The following ELAPOR1 variants were observed in gnomAD, a reference collection of about 807,000 sequenced individuals.
The protein encoded by ELAPOR1 is endosome/lysosome-associated apoptosis and autophagy regulator 1.
ELAPOR1 carries 77 observed loss-of-function variants against 119.7 expected under a neutral mutation model. The ratio of observed to expected loss-of-function variants is 0.64; its 90% CI spans 0.54 to 0.78. ELAPOR1 has a LOEUF of 0.78. Among genes scored for constraint, ELAPOR1 ranks in the 30% least tolerant of loss-of-function variants. The pLI, the probability that ELAPOR1 is intolerant of heterozygous loss-of-function variation, is 0.00. For missense variants in ELAPOR1, 1,115 were observed against 1,270.4 expected (o/e 0.88, Z 1.86); for synonymous variants, 481 against 487.2 (o/e 0.99, Z 0.17).
At chr1:109,193,408 T>G (rs977609635) in intron 14 of ELAPOR1, among the ~76,000 whole-genome samples, 5 of 152,046 alleles carry the variant, frequency 3.3e-5, no homozygotes, top group African/African-American at 1.2e-4. Context: ...TCCCAACACT[T>G]TAGGGGGCTG....
chr1:109,173,478 A>T lies in ELAPOR1; in HGVS notation c.701A>T (p.Glu234Val), dbSNP rs746095579. ...TEKGWEFHSV[E>V]LNRGNNVLYW... ...GCTCCTGTTTGTGGTTTTTAGGTGG[A>T]GCTAAATCGAGGCAATAATGTCCTC... Residue 234 changes from glutamate (E) to valine (V), a missense_variant, in exon 6 of 22, where the codon GAG becomes GTG. Glu to Val is a moderately radical substitution (Grantham distance 121). Coordinates refer to ENST00000369939, the MANE Select transcript of ELAPOR1 (RefSeq NM_020775.5). 4 of 1,613,660 alleles carry T rather than the reference A, an allele frequency of 2.5e-6. No homozygotes were observed. The Admixed American group carries it at 6.7e-5, about 27-fold the overall frequency.
chr1:109,186,420 C>A (rs1186936754), intron 8 of ELAPOR1: 2 of 824,246 alleles, frequency 2.4e-6, no homozygotes, highest in Non-Finnish European at 2.9e-6. Flanking sequence ...TCTTAGGGAG[C>A]ATAAACATTT....
At chr1:109,185,869 C>G (rs564146946) in intron 8 of ELAPOR1, among the ~76,000 whole-genome samples, 32 of 152,258 alleles carry the variant, frequency 2.1e-4, no homozygotes, top group Non-Finnish European at 3.8e-4. Flanking sequence ...TCAGAGGAGG[C>G]CATTTGTTCA....
chr1:109,156,212 T>C (rs1650862542), intron 1 of ELAPOR1, among the ~76,000 whole-genome samples: 1 of 152,134 alleles, frequency 6.6e-6, no homozygotes, highest in South Asian at 2.1e-4. Flanking sequence ...AAATTTAGAC[T>C]ATCAGATCAT....
chr1:109,144,061 A>ATATATATATATATATATATTTTT, intron 1 of ELAPOR1, among the ~76,000 whole-genome samples: 1 of 89,016 alleles, frequency 1.1e-5, no homozygotes, highest in African/African-American at 4.8e-5. Flanking sequence ...ATATTTATAT[A>ATATATATATATATATATATTTTT]TTTTTTTTTT....
At chr1:109,166,601 G>A (rs921599336) in intron 3 of ELAPOR1, among the ~76,000 whole-genome samples, 1 of 152,166 alleles carries the variant, frequency 6.6e-6, no homozygotes, top group Non-Finnish European at 1.5e-5. Context: ...CAGAGACGAG[G>A]AACTGGAAGC....
intron 1 of ELAPOR1, among the ~76,000 whole-genome samples, chr1:109,122,899 G>T (rs1648536391): frequency 6.6e-6 from 1 of 152,242 alleles, no homozygotes; most frequent in African/African-American, 2.4e-5. Context: ...TGAGGTTGCA[G>T]TGAGCCATGA....
chr1:109,173,387 G>A lies in ELAPOR1; in HGVS notation c.697-87G>A. The stretch of plus-strand genomic sequence containing the variant: ...AGAAGCATTACCATGCAGTTAGTAA[G>A]AGAAGTCATCCCAACAAGAGGCTAT... On this transcript the variant is annotated intron_variant, in intron 5 of 21. Transcript: ENST00000369939. The A allele has an allele frequency of 3.7e-6, 4 of 1,072,384 alleles. No homozygotes were observed. The South Asian group carries it at 5.5e-5, about 15-fold the overall frequency. The allele number at this position is 1,072,384 out of a possible 1,614,324, so 66.4% of individuals were successfully genotyped here. A position where few individuals can be genotyped will look rare whatever the true frequency, so the allele number is the denominator to read the frequency against.
chr1:109,168,738 C>G (rs538951851), intron 3 of ELAPOR1, among the ~76,000 whole-genome samples: 1 of 152,238 alleles, frequency 6.6e-6, no homozygotes, highest in African/African-American at 2.4e-5. Context: ...AACTGGATGA[C>G]CTAGGGTAAG....
rs1654320899 is a variant in ELAPOR1 at position 109,203,730 on chromosome 1, G to T, written c.*718G>T. On this transcript the variant is annotated 3_prime_UTR_variant, in exon 22 of 22. Coordinates refer to ENST00000369939, the MANE Select transcript of ELAPOR1 (RefSeq NM_020775.5). ...TCTCTACTAAAAATACAAAAAATTA[G>T]CCGGGCGTGGTGGCGGGTGCCTGTA... The T allele has an allele frequency of 6.6e-6, 1 of 152,040 alleles. No individual in the cohort carries two copies. Among genetic ancestry groups the T allele is most frequent in the African/African-American group, 2.4e-5 (1 of 41,380 alleles). The allele number at this position is 152,040 out of a possible 1,614,324, so 9.4% of individuals were successfully genotyped here.
In ELAPOR1 at chr1:109,185,168, G is replaced by T. The variant is rs183664561; in HGVS notation, c.1041+35G>T. On this transcript the variant is annotated intron_variant, in intron 8 of 21. Coordinates refer to ENST00000369939, the MANE Select transcript of ELAPOR1 (RefSeq NM_020775.5). Reference sequence around the variant, plus strand: ...ACAGTCTTGGAGCCCCTTAGCCCCAGATGGACTGTCTCCCACTCCCTGAGG... The same window carrying T: ...ACAGTCTTGGAGCCCCTTAGCCCCATATGGACTGTCTCCCACTCCCTGAGG... 1.8e-5 allele frequency: 27 copies of T among 1,503,988 alleles called. No homozygotes were observed. The East Asian group carries it at 3.2e-4, about 18-fold the overall frequency. 93.2% of individuals were successfully genotyped at this position (1,503,988 alleles called of 1,614,324 possible).
chr1:109,196,839 C>T (rs547487033), intron 15 of ELAPOR1, among the ~76,000 whole-genome samples: 6 of 152,236 alleles, frequency 3.9e-5, no homozygotes, highest in Admixed American at 2.6e-4. Context: ...TGCGCCAGCA[C>T]GTCCAGCTAA....
chr1:109,168,690 G>A (rs909260492), intron 3 of ELAPOR1, among the ~76,000 whole-genome samples: 3 of 152,170 alleles, frequency 2.0e-5, no homozygotes, highest in African/African-American at 7.2e-5. Context: ...AGAGAGAAAT[G>A]TAAACATTAA....
intron 1 of ELAPOR1, among the ~76,000 whole-genome samples, chr1:109,118,354 A>C (rs1648161365): frequency 6.6e-6 from 1 of 152,200 alleles, no homozygotes; most frequent in Admixed American, 6.5e-5. Flanking sequence ...GTGAGATACA[A>C]AGTTGATAAG....
Position 109,130,452 on chromosome 1 carries a change from C to T in ELAPOR1, c.153+16116C>T, listed in dbSNP as rs185941436. Among the ~76,000 whole-genome samples, 456 of 151,902 alleles carry T rather than the reference C, an allele frequency of 3.0e-3. 2 individuals carry two copies. Among genetic ancestry groups the T allele is most frequent in the African/African-American group, 0.01 (430 of 41,436 alleles). On this transcript the variant is annotated intron_variant, in intron 1 of 21. Transcript: ENST00000369939. ...GATAAGAACTAAAAATATATAGAGT[C>T]TCTCAGGTGGAAAGAATAGCATATC...
At chr1:109,173,175 G>A (rs537733463) in intron 5 of ELAPOR1, among the ~76,000 whole-genome samples, 1 of 152,010 alleles carries the variant, frequency 6.6e-6, no homozygotes, top group South Asian at 2.1e-4. Flanking sequence ...AGAAGAATGA[G>A]GGAGTGCCAG....
intron 17 of ELAPOR1, 112 bp from the exon 18 acceptor site, chr1:109,198,461 C>G (rs1240411527): frequency 1.1e-6 from 1 of 938,610 alleles, no homozygotes; most frequent in Admixed American, 2.3e-5. Context: ...GGCTAAAGCC[C>G]AAGTCCTGAC....
At chr1:109,188,801 G>A (rs1653236534) in intron 9 of ELAPOR1, among the ~76,000 whole-genome samples, 1 of 152,210 alleles carries the variant, frequency 6.6e-6, no homozygotes, top group Admixed American at 6.5e-5. Flanking sequence ...AGACTAGAAG[G>A]TACATTTAAG....
intron 1 of ELAPOR1, among the ~76,000 whole-genome samples, chr1:109,158,116 G>C (rs6687937): frequency 0.37 from 56,221 of 151,756 alleles, 12,024 homozygotes; most frequent in Non-Finnish European, 0.49. Context: ...TCAAACTCCA[G>C]ACCTCAAGTA....
Sources: allele counts gnomAD v4.1 joint callset (sites outside exome capture counted in the v4.1 genomes callset), GRCh38; gene constraint gnomAD v4.1.1; transcripts MANE v1.5; gene names NCBI Gene and HGNC (gene_info 2026-07-23, HGNC 2026-07-21).